Variants in FOXP1 observed in about 807,000 individuals in gnomAD.
FOXP1 encodes forkhead box P1.
In FOXP1, 15 loss-of-function variants were observed where a neutral mutation model predicts 98.2. The ratio of observed to expected loss-of-function variants is 0.15; its 90% CI spans 0.10 to 0.24. The LOEUF (loss-of-function observed/expected upper bound fraction) is 0.24, where lower values mean the gene tolerates loss of function less well. Among genes scored for constraint, FOXP1 ranks in the 10% least tolerant of loss-of-function variants. FOXP1 has a pLI of 1.00. For synonymous variants in FOXP1, 371 were observed against 314.5 expected (o/e 1.18, Z -1.90); for missense variants, 633 against 848.5 (o/e 0.75, Z 3.15).
Position 71,328,995 on chromosome 3 carries a change from A to C in FOXP1, c.-72-29115T>G, listed in dbSNP as rs1199947485. Among the ~76,000 whole-genome samples, 32 of 150,594 alleles carry C rather than the reference A, an allele frequency of 2.1e-4. No homozygotes were observed. The South Asian group carries it at 3.0e-3, about 14-fold the overall frequency. Reference sequence around the variant, plus strand: ...TCGCTAAAAAAAAAAAAAAACAAAAAAAAAAAAACTGACAGTTTCAGAATG... The same window carrying C: ...TCGCTAAAAAAAAAAAAAAACAAAACAAAAAAAACTGACAGTTTCAGAATG... On this transcript the variant is annotated intron_variant, in intron 4 of 20. Transcript: ENST00000649528.
At chr3:71,515,674 C>G (rs182066957) in intron 2 of FOXP1, among the ~76,000 whole-genome samples, 1 of 151,872 alleles carries the variant, frequency 6.6e-6, no homozygotes, top group African/African-American at 2.4e-5. Flanking sequence ...TGTGTGGCTA[C>G]AGAAGAGAAA....
chr3:71,535,086 G>A (rs1219762681), intron 2 of FOXP1, among the ~76,000 whole-genome samples: 2 of 152,164 alleles, frequency 1.3e-5, no homozygotes, highest in Non-Finnish European at 2.9e-5. Flanking sequence ...TTTAGTAATA[G>A]TGCAAATGAT....
At chr3:71,014,693 G>A (rs1285933979) in intron 12 of FOXP1, among the ~76,000 whole-genome samples, 4 of 152,152 alleles carry the variant, frequency 2.6e-5, no homozygotes, top group Non-Finnish European at 4.4e-5. Flanking sequence ...ACATGCACAT[G>A]TATGTTTATT....
chr3:71,268,433 G>T (rs1257137638), intron 5 of FOXP1, among the ~76,000 whole-genome samples: 1 of 152,090 alleles, frequency 6.6e-6, no homozygotes, highest in Non-Finnish European at 1.5e-5. Flanking sequence ...AAAGTTGGGG[G>T]GGTAGTGGGA....
intron 5 of FOXP1, among the ~76,000 whole-genome samples, chr3:71,217,524 C>T (rs1460527445): frequency 6.6e-6 from 1 of 151,854 alleles, no homozygotes; most frequent in Non-Finnish European, 1.5e-5. Flanking sequence ...AACTGAGCAC[C>T]TATTATAGGT....
intron 18 of FOXP1, chr3:70,971,905 C>A: frequency 1.2e-6 from 1 of 838,670 alleles, no homozygotes. Flanking sequence ...TTGCAGAAAG[C>A]TGTGGCACTG....
chr3:70,956,483 T>C lies in FOXP1; in HGVS notation c.*2764A>G. On this transcript the variant is annotated 3_prime_UTR_variant, in exon 21 of 21. Coordinates refer to ENST00000649528, the MANE Select transcript of FOXP1 (RefSeq NM_001349338.3). ...AGACATACGACTAAGTGCAACTGAG[T>C]GAAATGTTTTTTTTTTAAATTTTAA... 1 of 229,362 alleles carries C rather than the reference T, an allele frequency of 4.4e-6. No homozygotes were observed. Among genetic ancestry groups the C allele is most frequent in the Non-Finnish European group, 8.6e-6 (1 of 116,056 alleles). 14.2% of individuals were successfully genotyped at this position (229,362 alleles called of 1,614,324 possible).
intron 2 of FOXP1, among the ~76,000 whole-genome samples, chr3:71,524,309 G>A (rs1177490059): frequency 6.6e-6 from 1 of 152,082 alleles, no homozygotes; most frequent in Non-Finnish European, 1.5e-5. Context: ...GTTGCAGTGA[G>A]CCAAGATCAA....
At chr3:71,500,558 G>C (rs2041261307) in intron 2 of FOXP1, among the ~76,000 whole-genome samples, 1 of 152,148 alleles carries the variant, frequency 6.6e-6, no homozygotes, top group Non-Finnish European at 1.5e-5. Flanking sequence ...CTGGGCCTTA[G>C]TGCTCACCTC....
At chr3:71,368,088 C>T (rs1156631535) in intron 3 of FOXP1, among the ~76,000 whole-genome samples, 1 of 152,066 alleles carries the variant, frequency 6.6e-6, no homozygotes, top group Non-Finnish European at 1.5e-5. Context: ...GGAAGACAGG[C>T]TCTTAGTTGG....
chr3:71,050,275 GC>G (rs761370883), intron 9 of FOXP1, among the ~76,000 whole-genome samples: 2 of 152,116 alleles, frequency 1.3e-5, no homozygotes, highest in Non-Finnish European at 1.5e-5. Flanking sequence ...TTCTTTATGT[GC>G]CCTCTGAGCT....
At chr3:71,091,604 C>T (rs1394558001) in intron 7 of FOXP1, among the ~76,000 whole-genome samples, 4 of 152,166 alleles carry the variant, frequency 2.6e-5, no homozygotes, top group African/African-American at 4.8e-5. Context: ...GGTCTATCTA[C>T]TCCAAAGAGT....
intron 5 of FOXP1, among the ~76,000 whole-genome samples, chr3:71,201,895 C>G (rs997387782): frequency 6.6e-6 from 1 of 152,138 alleles, no homozygotes; most frequent in Non-Finnish European, 1.5e-5. Flanking sequence ...TATATAAACT[C>G]TATCCCTGCC....
chr3:71,396,092 G>C (rs2081353107), intron 3 of FOXP1, among the ~76,000 whole-genome samples: 1 of 152,176 alleles, frequency 6.6e-6, no homozygotes, highest in Non-Finnish European at 1.5e-5. Flanking sequence ...AGCAGCTAGA[G>C]CCTCATTCAG....
intron 4 of FOXP1, among the ~76,000 whole-genome samples, chr3:71,311,833 A>C (rs1393783215): frequency 6.6e-6 from 1 of 152,174 alleles, no homozygotes; most frequent in Admixed American, 6.5e-5. Flanking sequence ...TGATGAGGCA[A>C]CTTTTCCTGG....
chr3:71,523,383 G>A (rs1041665995), intron 2 of FOXP1, among the ~76,000 whole-genome samples: 3 of 152,150 alleles, frequency 2.0e-5, no homozygotes, highest in Non-Finnish European at 2.9e-5. Context: ...TCCTCAGTGG[G>A]GATGGGCCCC....
At chr3:71,047,603 T>TG (rs1352780760) in intron 9 of FOXP1, among the ~76,000 whole-genome samples, 1 of 152,208 alleles carries the variant, frequency 6.6e-6, no homozygotes, top group African/African-American at 2.4e-5. Flanking sequence ...CATCTAATAT[T>TG]GTTAATTAGC....
chr3:71,278,049 C>A (rs1290251821), intron 5 of FOXP1, among the ~76,000 whole-genome samples: 2 of 152,186 alleles, frequency 1.3e-5, no homozygotes, highest in East Asian at 1.9e-4. Context: ...CTGGCCATAA[C>A]ACACACAGGA....
intron 4 of FOXP1, among the ~76,000 whole-genome samples, chr3:71,327,767 C>A (rs1434077763): frequency 6.6e-6 from 1 of 152,118 alleles, no homozygotes; most frequent in African/African-American, 2.4e-5. Context: ...TGTGTATGTG[C>A]AAACCTGTAT....
Sources: gnomAD v4.1 joint callset for allele counts (sites outside exome capture counted in the v4.1 genomes callset) on GRCh38, gnomAD v4.1.1 for gene constraint, MANE v1.5 for transcripts, NCBI Gene and HGNC (gene_info 2026-07-23, HGNC 2026-07-21) for gene names.